Variants in EPHA7 observed in about 807,000 individuals in gnomAD.
EPHA7 encodes the protein EPH receptor A7.
Under a neutral mutation model 112.6 loss-of-function variants are expected in EPHA7, and 25 were observed. The ratio of observed to expected loss-of-function variants is 0.22; its 90% CI spans 0.16 to 0.31. The LOEUF is 0.31. Ranked by LOEUF, EPHA7 falls within the 10% of genes least tolerant of loss-of-function variation. EPHA7 has a pLI of 1.00. For synonymous variants in EPHA7, 437 were observed against 406.5 expected (o/e 1.07, Z -0.90); for missense variants, 962 against 1,212.6 (o/e 0.79, Z 3.07).
intron 5 of EPHA7, among the ~76,000 whole-genome samples, chr6:93,308,733 C>A (rs906035275): frequency 2.0e-5 from 3 of 151,580 alleles, no homozygotes; most frequent in Non-Finnish European, 4.4e-5. Flanking sequence ...TACTAACATA[C>A]TAAGTGAATC....
Position 93,258,219 on chromosome 6 carries a change from T to A in EPHA7, c.1990A>T (p.Ile664Leu). Reference sequence around the variant, plus strand: ...GTGTAACCAACTTTCAGGGTTTTTATGGCTACTGCAACATCTCTTTTCCCT... The same window carrying A: ...GTGTAACCAACTTTCAGGGTTTTTAAGGCTACTGCAACATCTCTTTTCCCT... ...LPGKRDVAVA[I>L]KTLKVGYTEK... Residue 664 changes from isoleucine (I) to leucine (L), a missense_variant, in exon 11 of 17, where the codon ATA becomes TTA. By Grantham distance (5) the Ile-to-Leu change is conservative. Transcript: ENST00000369303. 1 of 1,613,400 alleles carries A rather than the reference T, an allele frequency of 6.2e-7. No homozygotes were observed. Among genetic ancestry groups the A allele is most frequent in the South Asian group, 1.1e-5 (1 of 90,948 alleles).
At chr6:93,247,689 A>G (rs1203938455) in intron 14 of EPHA7, among the ~76,000 whole-genome samples, 2 of 151,980 alleles carry the variant, frequency 1.3e-5, no homozygotes, top group Non-Finnish European at 2.9e-5. Flanking sequence ...TTTTATTATT[A>G]TTTTTTTATC....
chr6:93,334,723 A>G (rs1386785598), intron 5 of EPHA7, among the ~76,000 whole-genome samples: 1 of 152,084 alleles, frequency 6.6e-6, no homozygotes, highest in East Asian at 1.9e-4. Context: ...TTTTCCATGC[A>G]TTATAACTAG....
In EPHA7 at chr6:93,357,066, G is replaced by A. The variant is rs769306272; in HGVS notation, c.989-14C>T. 3.2e-6 allele frequency: 5 copies of A among 1,550,252 alleles called. No homozygotes were observed. The highest frequency in any genetic ancestry group is 3.5e-6 in the Non-Finnish European group (4 of 1,147,110). On this transcript the variant is annotated splice_polypyrimidine_tract_variant and intron_variant, in intron 4 of 16. Coordinates refer to ENST00000369303, the MANE Select transcript of EPHA7 (RefSeq NM_004440.4). ...CAGATGGAGGCCCTTGGGAAACCAA[G>A]AATAAATAAGTAAATAAGCAAAAAT... is the stretch of plus-strand genomic sequence containing the variant.
chr6:93,389,400 G>C (rs764710014), intron 3 of EPHA7, among the ~76,000 whole-genome samples: 1 of 151,952 alleles, frequency 6.6e-6, no homozygotes, highest in Non-Finnish European at 1.5e-5. Flanking sequence ...AATAGCTTTC[G>C]CTTTCACACA....
chr6:93,330,385 T>C (rs1401202290), intron 5 of EPHA7, among the ~76,000 whole-genome samples: 1 of 151,330 alleles, frequency 6.6e-6, no homozygotes, highest in Non-Finnish European at 1.5e-5. Context: ...TAGAACACCA[T>C]AGCTTATTTC....
intron 5 of EPHA7, among the ~76,000 whole-genome samples, chr6:93,348,887 TTC>T (rs913107584): frequency 3.0e-5 from 1 of 33,722 alleles, no homozygotes; most frequent in African/African-American, 1.7e-4. Context: ...TACCGCCATT[TTC>T]CCCTAATGAA....
intron 15 of EPHA7, among the ~76,000 whole-genome samples, chr6:93,246,469 GTAA>G (rs1436787997): frequency 6.6e-6 from 1 of 152,036 alleles, no homozygotes; most frequent in Admixed American, 6.6e-5. Context: ...AAAAACCCAT[GTAA>G]TAATAATAAT....
chr6:93,346,214 T>A (rs1414187930), intron 5 of EPHA7, among the ~76,000 whole-genome samples: 1 of 151,840 alleles, frequency 6.6e-6, no homozygotes, highest in Non-Finnish European at 1.5e-5. Context: ...TCATATTATG[T>A]GTCTTTGTCT....
chr6:93,307,452 T>G (rs944836397), intron 5 of EPHA7, among the ~76,000 whole-genome samples: 5 of 152,086 alleles, frequency 3.3e-5, no homozygotes, highest in Non-Finnish European at 7.4e-5. Context: ...CTTTAAAGAA[T>G]AGGTATTGTG....
At chr6:93,298,317 T>G (rs1286795727) in intron 5 of EPHA7, among the ~76,000 whole-genome samples, 1 of 152,140 alleles carries the variant, frequency 6.6e-6, no homozygotes, top group African/African-American at 2.4e-5. Flanking sequence ...AACATAAAAT[T>G]TAAGCCATTT....
chr6:93,259,994 G>A (rs182309078), intron 9 of EPHA7, among the ~76,000 whole-genome samples: 5 of 151,848 alleles, frequency 3.3e-5, no homozygotes, highest in East Asian at 1.9e-4. Context: ...ACCAACCACC[G>A]TTGATATATA....
At chr6:93,270,627 T>G (rs1412816852) in intron 6 of EPHA7, among the ~76,000 whole-genome samples, 1 of 151,670 alleles carries the variant, frequency 6.6e-6, no homozygotes, top group Non-Finnish European at 1.5e-5. Context: ...AATTCTTCAT[T>G]GAAATCTTAA....
intron 3 of EPHA7, among the ~76,000 whole-genome samples, chr6:93,404,683 C>T (rs1457614377): frequency 6.6e-6 from 1 of 150,630 alleles, no homozygotes; most frequent in Non-Finnish European, 1.5e-5. Context: ...ACATATACTT[C>T]TCACGGTAAG....
At chr6:93,401,356 A>C (rs960312956) in intron 3 of EPHA7, among the ~76,000 whole-genome samples, 1 of 152,140 alleles carries the variant, frequency 6.6e-6, no homozygotes, top group Non-Finnish European at 1.5e-5. Flanking sequence ...ATTAAATAAT[A>C]AACCTTCCAT....
At chr6:93,267,695 T>C (rs1771012002) in intron 7 of EPHA7, among the ~76,000 whole-genome samples, 1 of 151,768 alleles carries the variant, frequency 6.6e-6, no homozygotes, top group Non-Finnish European at 1.5e-5. Flanking sequence ...TCTTTCAGGT[T>C]CCACTACTTT....
At position 93,245,309 on chromosome 6, in the gene EPHA7, C is replaced by G. The variant is rs542454175; in HGVS notation, c.2871G>C (p.Arg957Ser). Reference sequence around the variant, plus strand: ...GAGTTTAAGCTTACTCAATAGTCATCCTGGCTACTGATTCAAGGGAATTGT... The same window carrying G: ...GAGTTTAAGCTTACTCAATAGTCATGCTGGCTACTGATTCAAGGGAATTGT... The part of the protein sequence containing the change: ...AGYNSLESVA[R>S]MTIEDVMSLG... The change falls in exon 16 of 17, where the codon AGG (arginine) becomes AGC (serine). Residue 957 changes from arginine (R) to serine (S), a missense_variant. By Grantham distance (110) the Arg-to-Ser change is moderately radical. Coordinates refer to ENST00000369303, the MANE Select transcript of EPHA7 (RefSeq NM_004440.4). The G allele has an allele frequency of 1.9e-6, 3 of 1,612,730 alleles. No homozygotes were observed. Among genetic ancestry groups the G allele is most frequent in the East Asian group, 4.5e-5 (2 of 44,792 alleles).
chr6:93,346,469 GGAA>G (rs1263054954), intron 5 of EPHA7, among the ~76,000 whole-genome samples: 1 of 151,722 alleles, frequency 6.6e-6, no homozygotes, highest in Non-Finnish European at 1.5e-5. Context: ...TTTCAGTCAA[GGAA>G]GGATTAACCA....
At chr6:93,406,531 G>T (rs1182438460) in intron 3 of EPHA7, among the ~76,000 whole-genome samples, 1 of 151,764 alleles carries the variant, frequency 6.6e-6, no homozygotes, top group African/African-American at 2.4e-5. Flanking sequence ...ACTTGAATTG[G>T]TAAACAGGAT....
Sources: gnomAD v4.1 joint callset for allele counts (sites outside exome capture counted in the v4.1 genomes callset) on GRCh38, gnomAD v4.1.1 for gene constraint, MANE v1.5 for transcripts, NCBI Gene and HGNC (gene_info 2026-07-23, HGNC 2026-07-21) for gene names.